The following ABHD6 variants were observed in gnomAD, a reference collection of about 807,000 sequenced individuals.
The protein encoded by ABHD6 is monoacylglycerol lipase ABHD6.
Under a neutral mutation model 38.8 loss-of-function variants are expected in ABHD6, and 33 were observed. The ratio of observed to expected loss-of-function variants is 0.85; its 90% CI spans 0.64 to 1.14. ABHD6 has a LOEUF of 1.14. ABHD6 is among the 50% of genes most tolerant of loss of function. The probability of loss-of-function intolerance (pLI) is 0.00; values close to 1 mark genes in which losing one functional copy is unlikely to be tolerated. For missense variants in ABHD6, 380 were observed against 422.6 expected, an observed-to-expected ratio of 0.90 and a Z score of 0.88; for synonymous variants, 147 against 161.6, an observed-to-expected ratio of 0.91 and a Z score of 0.69.
rs763740096 is a variant in ABHD6, at chr3:58,273,299, C to T, written c.524-1359C>T. ...ATTTTGCTGGGTGAGGTAGCTCACACCTGTAATCCCAACACTTTGGGAGGC... is the reference window on the plus strand; with the variant it reads ...ATTTTGCTGGGTGAGGTAGCTCACATCTGTAATCCCAACACTTTGGGAGGC... On this transcript the variant is annotated intron_variant, in intron 6 of 9. Transcript: ENST00000478253. This position sits in a 1 kb window ranked among gnomAD's most constrained non-coding sequence, Gnocchi z 4.8. 2.0e-5 allele frequency among the ~76,000 whole-genome samples: 3 copies of T among 152,180 alleles called. No individual in the cohort carries two copies. The East Asian group carries it at 5.8e-4, about 29-fold the overall frequency.
intron 4 of ABHD6, among the ~76,000 whole-genome samples, chr3:58,268,376 CT>C (rs1244300255): frequency 6.6e-6 from 1 of 151,738 alleles, no homozygotes; most frequent in East Asian, 1.9e-4. Flanking sequence ...TTTTCTTTTC[CT>C]TTGCCATTTA....
intron 3 of ABHD6, among the ~76,000 whole-genome samples, chr3:58,260,862 A>G (rs935330276): frequency 1.3e-5 from 2 of 152,202 alleles, no homozygotes; most frequent in Admixed American, 6.5e-5. Context: ...TCAGCTCCTC[A>G]GGGAACAAGA....
rs971283692 is a variant in ABHD6, at chr3:58,265,150, G to A, written c.120-2039G>A. On this transcript the variant is annotated intron_variant, in intron 3 of 9. Coordinates refer to ENST00000478253, the MANE Select transcript of ABHD6 (RefSeq NM_001320126.2). The surrounding 1 kb of genome is among the most constrained non-coding windows in gnomAD (Gnocchi z 4.2). ...CCATAAATAAGTGAGAGCATGTGAT[G>A]TTTGTCTTTCTGTGTCTGGCTTACT... is the stretch of plus-strand genomic sequence containing the variant. 2.0e-5 allele frequency among the ~76,000 whole-genome samples: 3 copies of A among 152,152 alleles called. No homozygotes were observed. Among genetic ancestry groups the A allele is most frequent in the Non-Finnish European group, 4.4e-5 (3 of 68,026 alleles).
chr3:58,259,224 C>T lies in ABHD6; in HGVS notation c.119+2519C>T, dbSNP rs568443051. ...GAAACTAGCCTCAATGCTGCATAGT[C>T]CCCCAACAGTTCCCTGGGCTGTCGA... On this transcript the variant is annotated intron_variant, in intron 3 of 9. Transcript: ENST00000478253. The surrounding 1 kb of genome is among the most constrained non-coding windows in gnomAD (Gnocchi z 4.7). 6.6e-6 allele frequency among the ~76,000 whole-genome samples: 1 copy of T among 152,118 alleles called. No homozygotes were observed. The highest frequency in any genetic ancestry group is 2.1e-4 in the South Asian group (1 of 4,824).
rs1559777375 is a variant in ABHD6 at position 58,267,595 on chromosome 3, G to C, written c.276+250G>C. 6.6e-6 allele frequency among the ~76,000 whole-genome samples: 1 copy of C among 152,004 alleles called. No homozygotes were observed. The highest frequency in any genetic ancestry group is 2.4e-5 in the African/African-American group (1 of 41,368). Reference sequence around the variant, plus strand: ...TGGGAAGATTGCTTGAGCCTGGGGGGTCAAGTCTTCAGTGAGCAATGATCA... The same window carrying C: ...TGGGAAGATTGCTTGAGCCTGGGGGCTCAAGTCTTCAGTGAGCAATGATCA... On this transcript the variant is annotated intron_variant, in intron 4 of 9. Transcript: ENST00000478253. The surrounding 1 kb of genome is among the most constrained non-coding windows in gnomAD (Gnocchi z 4.3).
rs534456940 is a variant in ABHD6, at chr3:58,280,438, A to G, written c.682-4647A>G. ...TTCTCGTGCCATGGTTTTCAGCTCC[A>G]TCGGGTCATTTAAGGTCTTCTCTAC... is the stretch of plus-strand genomic sequence containing the variant. On this transcript the variant is annotated intron_variant, in intron 7 of 9. Coordinates refer to ENST00000478253, the MANE Select transcript of ABHD6 (RefSeq NM_001320126.2). 2.0e-5 allele frequency among the ~76,000 whole-genome samples: 3 copies of G among 152,234 alleles called. No homozygotes were observed. The South Asian group carries it at 6.2e-4, about 32-fold the overall frequency.
chr3:58,240,412 A>AT (rs1367870294), intron 1 of ABHD6, among the ~76,000 whole-genome samples: 6 of 151,468 alleles, frequency 4.0e-5, no homozygotes, highest in African/African-American at 1.5e-4. Flanking sequence ...ACTCCTGGTT[A>AT]TTTTGGTGAT....
Position 58,286,115 on chromosome 3 carries a change from G to A in ABHD6, c.837+662G>A, listed in dbSNP as rs145147518. Among the ~76,000 whole-genome samples the A allele has an allele frequency of 5.6e-3, 845 of 152,130 alleles. 9 individuals are homozygous for A. The highest frequency in any genetic ancestry group is 0.019 in the African/African-American group (807 of 41,494). ...GCTCACTGCAAGCTCTGCCTCCTGG[G>A]TTCACGCCATTCTCCTGCCTCAGCC... On this transcript the variant is annotated intron_variant, in intron 9 of 9. Coordinates refer to ENST00000478253, the MANE Select transcript of ABHD6 (RefSeq NM_001320126.2).
Position 58,294,413 on chromosome 3 carries a change from T to G in ABHD6, c.*648T>G, listed in dbSNP as rs1222795949. On this transcript the variant is annotated 3_prime_UTR_variant, in exon 10 of 10. Coordinates refer to ENST00000478253, the MANE Select transcript of ABHD6 (RefSeq NM_001320126.2). ...ACCCACCAGTCAGGTATGTTCTGAGTGAACCCACAGCAGTCGCAGAATGAG... is the reference window on the plus strand; with the variant it reads ...ACCCACCAGTCAGGTATGTTCTGAGGGAACCCACAGCAGTCGCAGAATGAG... 1 of 152,268 alleles carries G rather than the reference T, an allele frequency of 6.6e-6. No homozygotes were observed. The highest frequency in any genetic ancestry group is 1.9e-4 in the East Asian group (1 of 5,198). The allele number at this position is 152,268 out of a possible 1,614,324, so 9.4% of individuals were successfully genotyped here. A position where few individuals can be genotyped will look rare whatever the true frequency, so the allele number is the denominator to read the frequency against.
rs1055741680 is a variant in ABHD6 at position 58,257,950 on chromosome 3, A to C, written c.119+1245A>C. ...TCTTTTTAAAAAAATCCTTAAATCA[A>C]GTATTTAAAAAGTGATATGAATATC... On this transcript the variant is annotated intron_variant, in intron 3 of 9. Transcript: ENST00000478253. This position sits in a 1 kb window ranked among gnomAD's most constrained non-coding sequence, Gnocchi z 4.8. Among the ~76,000 whole-genome samples the C allele has an allele frequency of 1.3e-5, 2 of 152,158 alleles. No homozygotes were observed. The highest frequency in any genetic ancestry group is 2.9e-5 in the Non-Finnish European group (2 of 68,036).
At position 58,285,246 on chromosome 3, in the gene ABHD6, T is replaced by C. The variant is rs1389152500; in HGVS notation, c.736+107T>C. On this transcript the variant is annotated intron_variant, in intron 8 of 9. Transcript: ENST00000478253. The surrounding 1 kb of genome is among the most constrained non-coding windows in gnomAD (Gnocchi z 4.9). ...CACTTTGAATGTCTCTTTGGGCCCC[T>C]GAAGAGAGGAAGTGGTGGCCTGGAT... 1.3e-6 allele frequency: 2 copies of C among 1,502,946 alleles called. No individual in the cohort carries two copies. Among genetic ancestry groups the C allele is most frequent in the Non-Finnish European group, 1.9e-6 (2 of 1,079,548 alleles). 93.1% of individuals were successfully genotyped at this position (1,502,946 alleles called of 1,614,324 possible). A position where few individuals can be genotyped will look rare whatever the true frequency, so the allele number is the denominator to read the frequency against.
At chr3:58,246,763 G>A (rs190074609) in intron 1 of ABHD6, among the ~76,000 whole-genome samples, 65 of 152,338 alleles carry the variant, frequency 4.3e-4, no homozygotes, top group Admixed American at 2.0e-3. Flanking sequence ...AGAACAATAA[G>A]AACGTTTATC....
intron 1 of ABHD6, among the ~76,000 whole-genome samples, chr3:58,245,363 A>G (rs1469137388): frequency 6.6e-6 from 1 of 151,902 alleles, no homozygotes; most frequent in South Asian, 2.1e-4. Context: ...ACAGGATTTC[A>G]CCATGTTGGC....
At position 58,266,448 on chromosome 3, in the gene ABHD6, C is replaced by T. The variant is rs1257593817; in HGVS notation, c.120-741C>T. ...GACTGTATCTAAAAAAAAAAAAAAC[C>T]TGACCAAACAAACAACAAAAAAAAA... On this transcript the variant is annotated intron_variant, in intron 3 of 9. Coordinates refer to ENST00000478253, the MANE Select transcript of ABHD6 (RefSeq NM_001320126.2). The surrounding 1 kb of genome is among the most constrained non-coding windows in gnomAD (Gnocchi z 4.0). Among the ~76,000 whole-genome samples, 1 of 150,840 alleles carries T rather than the reference C, an allele frequency of 6.6e-6. No homozygotes were observed. The highest frequency in any genetic ancestry group is 1.5e-5 in the Non-Finnish European group (1 of 67,708).
At chr3:58,241,038 A>G (rs1247836037) in intron 1 of ABHD6, among the ~76,000 whole-genome samples, 2 of 152,072 alleles carry the variant, frequency 1.3e-5, no homozygotes, top group Non-Finnish European at 2.9e-5. Flanking sequence ...CCAAACCTGG[A>G]TAATTTTGAA....
intron 7 of ABHD6, among the ~76,000 whole-genome samples, chr3:58,276,777 G>A (rs1405066890): frequency 6.6e-6 from 1 of 152,248 alleles, no homozygotes; most frequent in East Asian, 1.9e-4. Context: ...AATCCATCTT[G>A]AATTAATTTT....
At chr3:58,268,978 C>A (rs1461878263) in intron 4 of ABHD6, among the ~76,000 whole-genome samples, 1 of 152,060 alleles carries the variant, frequency 6.6e-6, no homozygotes, top group Non-Finnish European at 1.5e-5. Flanking sequence ...AGCTGCATGG[C>A]TGGAGTAAGT....
rs2107451033 is a variant in ABHD6 at position 58,267,257 on chromosome 3, C to T, written c.188C>T (p.Ser63Phe). 6.2e-7 allele frequency: 1 copy of T among 1,614,206 alleles called. No individual in the cohort carries two copies. The highest frequency in any genetic ancestry group is 2.2e-5 in the East Asian group (1 of 44,888). ...VHHEDYQFCY[S>F]FRGRPGHKPS... ...CATGAAGACTATCAGTTCTGTTATT[C>T]CTTCCGGGGCAGGCCTGGGCACAAA... Residue 63 changes from serine (S) to phenylalanine (F), a missense_variant, in exon 4 of 10, where the codon TCC becomes TTC. Ser to Phe is a radical substitution (Grantham distance 155). Coordinates refer to ENST00000478253, the MANE Select transcript of ABHD6 (RefSeq NM_001320126.2). This position sits in a 1 kb window ranked among gnomAD's most constrained non-coding sequence, Gnocchi z 4.3.
chr3:58,285,527 C>G lies in ABHD6; in HGVS notation c.837+74C>G, dbSNP rs1424064311. On this transcript the variant is annotated intron_variant, in intron 9 of 9. Coordinates refer to ENST00000478253, the MANE Select transcript of ABHD6 (RefSeq NM_001320126.2). This position sits in a 1 kb window ranked among gnomAD's most constrained non-coding sequence, Gnocchi z 4.9. ...GAGGAAAAACGTCCTTGAGGAAGAA[C>G]AAGTGGTTATTTATGGAGTGAGCTG... 7.6e-7 allele frequency: 1 copy of G among 1,311,948 alleles called. No individual in the cohort carries two copies. 81.3% of individuals were successfully genotyped at this position (1,311,948 alleles called of 1,614,324 possible). A position where few individuals can be genotyped will look rare whatever the true frequency, so the allele number is the denominator to read the frequency against.
Sources: allele counts gnomAD v4.1 joint callset (sites outside exome capture counted in the v4.1 genomes callset), GRCh38; gene constraint gnomAD v4.1.1; non-coding constraint Gnocchi (gnomAD v3.1); transcripts MANE v1.5; gene names NCBI Gene and HGNC (gene_info 2026-07-23, HGNC 2026-07-21).